Variants in NR5A2 observed in about 807,000 individuals in gnomAD.
NR5A2 encodes nuclear receptor subfamily 5 group A member 2.
Under a neutral mutation model 62.7 loss-of-function variants are expected in NR5A2, and 26 were observed. The ratio of observed to expected loss-of-function variants is 0.41; its 90% CI spans 0.30 to 0.58. The LOEUF (loss-of-function observed/expected upper bound fraction) is 0.58, where lower values mean the gene tolerates loss of function less well. Ranked by LOEUF, NR5A2 falls within the 20% of genes least tolerant of loss-of-function variation. The pLI is 0.22. For synonymous variants in NR5A2, 246 were observed against 241.7 expected, an observed-to-expected ratio of 1.02 and a Z score of -0.16; for missense variants, 541 against 669.1, an observed-to-expected ratio of 0.81 and a Z score of 2.11.
intron 7 of NR5A2, among the ~76,000 whole-genome samples, chr1:200,172,130 A>C (rs1007302403): frequency 2.6e-5 from 4 of 152,134 alleles, no homozygotes; most frequent in Non-Finnish European, 5.9e-5. Context: ...CTGCATTTCA[A>C]ATTTTTAATA....
intron 5 of NR5A2, among the ~76,000 whole-genome samples, chr1:200,100,032 A>T (rs990926728): frequency 6.6e-6 from 1 of 152,224 alleles, no homozygotes; most frequent in Non-Finnish European, 1.5e-5. Flanking sequence ...ATTCCAAGCA[A>T]CCCAGAGGAA....
At chr1:200,046,255 G>A (rs1171561861) in intron 4 of NR5A2, among the ~76,000 whole-genome samples, 1 of 152,166 alleles carries the variant, frequency 6.6e-6, no homozygotes, top group African/African-American at 2.4e-5. Context: ...AGCCACACTT[G>A]AACTTTGTTG....
intron 5 of NR5A2, among the ~76,000 whole-genome samples, chr1:200,081,719 G>A (rs1356412392): frequency 1.3e-5 from 2 of 151,192 alleles, no homozygotes; most frequent in East Asian, 1.9e-4. Context: ...CCAGCATGAA[G>A]CCAACATAAA....
intron 7 of NR5A2, among the ~76,000 whole-genome samples, chr1:200,134,238 G>A (rs1044431508): frequency 1.3e-5 from 2 of 152,124 alleles, no homozygotes; most frequent in Non-Finnish European, 2.9e-5. Flanking sequence ...TGTGTACACT[G>A]TTTATAAAGT....
chr1:200,093,180 A>G (rs1231337746), intron 5 of NR5A2, among the ~76,000 whole-genome samples: 1 of 152,196 alleles, frequency 6.6e-6, no homozygotes, highest in Non-Finnish European at 1.5e-5. Flanking sequence ...CTGGGATTAC[A>G]GGCATGAGCC....
chr1:200,115,904 C>G (rs1666196261), intron 6 of NR5A2, among the ~76,000 whole-genome samples: 1 of 151,726 alleles, frequency 6.6e-6, no homozygotes, highest in Non-Finnish European at 1.5e-5. Flanking sequence ...CCTTCTAGGT[C>G]AGAGGAACAG....
At chr1:200,076,410 T>G (rs1664040248) in intron 5 of NR5A2, among the ~76,000 whole-genome samples, 1 of 152,088 alleles carries the variant, frequency 6.6e-6, no homozygotes, top group South Asian at 2.1e-4. Flanking sequence ...CAAATGAAAT[T>G]GTTTGTGGAT....
At chr1:200,068,949 C>A (rs1174615589) in intron 5 of NR5A2, among the ~76,000 whole-genome samples, 1 of 152,136 alleles carries the variant, frequency 6.6e-6, no homozygotes, top group Non-Finnish European at 1.5e-5. Flanking sequence ...GTGAGTTTTT[C>A]TTTCTAAAAA....
chr1:200,104,438 G>T (rs1003001373), intron 5 of NR5A2, among the ~76,000 whole-genome samples: 8 of 152,136 alleles, frequency 5.3e-5, no homozygotes, highest in Admixed American at 5.2e-4. Context: ...CCCAGAGCAG[G>T]TTCTCATTAA....
In NR5A2 at chr1:200,171,940, C is replaced by CAAA. The variant is rs1654201169; in HGVS notation, c.1379-2018_1379-2016dup. Among the ~76,000 whole-genome samples, 3 of 152,136 alleles carry CAAA rather than the reference C, an allele frequency of 2.0e-5. No individual in the cohort carries two copies. The South Asian group carries it at 6.2e-4, about 32-fold the overall frequency. On this transcript the variant is annotated intron_variant, in intron 7 of 7. Transcript: ENST00000367362. Reference sequence around the variant, plus strand: ...ATCACAGAATGTTAAAACTGGTTCTCAAAAAAATACAATTATCAAAAAAGG... The same window carrying CAAA: ...ATCACAGAATGTTAAAACTGGTTCTCAAAAAAAAAATACAATTATCAAAAAAGG...
chr1:200,097,845 A>G (rs531931660), intron 5 of NR5A2, among the ~76,000 whole-genome samples: 2 of 152,208 alleles, frequency 1.3e-5, no homozygotes, highest in Non-Finnish European at 2.9e-5. Flanking sequence ...TAGAATAGGA[A>G]GAATATGAAA....
chr1:200,083,574 TA>T, intron 5 of NR5A2, among the ~76,000 whole-genome samples: 1 of 152,336 alleles, frequency 6.6e-6, no homozygotes, highest in East Asian at 1.9e-4. Flanking sequence ...CGTAAAGACC[TA>T]CTAAGCAATA....
chr1:200,158,050 A>G (rs937684069), intron 7 of NR5A2, among the ~76,000 whole-genome samples: 12 of 152,230 alleles, frequency 7.9e-5, no homozygotes, highest in African/African-American at 2.9e-4. Flanking sequence ...GTGATGTATT[A>G]CTTTTAGCAC....
chr1:200,110,193 A>T (rs1665876724), intron 5 of NR5A2, among the ~76,000 whole-genome samples: 2 of 152,262 alleles, frequency 1.3e-5, no homozygotes, highest in Non-Finnish European at 2.9e-5. Flanking sequence ...CAAAACTCTT[A>T]AAAATATTAC....
intron 5 of NR5A2, among the ~76,000 whole-genome samples, chr1:200,050,864 C>T (rs1364269725): frequency 6.6e-6 from 1 of 152,106 alleles, no homozygotes; most frequent in Non-Finnish European, 1.5e-5. Context: ...TGCACTCGAG[C>T]CTGGGTGACA....
chr1:200,090,930 G>A (rs1018893433), intron 5 of NR5A2, among the ~76,000 whole-genome samples: 3 of 152,170 alleles, frequency 2.0e-5, no homozygotes, highest in African/African-American at 4.8e-5. Context: ...CTTCAGCATT[G>A]TCTTAACCTG....
rs1187442821 is a variant in NR5A2 at position 200,174,230 on chromosome 1, C to A, written c.*20C>A. 1.3e-6 allele frequency: 2 copies of A among 1,504,152 alleles called. No homozygotes were observed. The highest frequency in any genetic ancestry group is 8.9e-7 in the Non-Finnish European group (1 of 1,123,704). 93.2% of individuals were successfully genotyped at this position (1,504,152 alleles called of 1,614,324 possible). Reference sequence around the variant, plus strand: ...GCATAAGTTACAACCCCTAGGAGCTCTGCTTTCAAAACAAAAAGAGATTGG... The same window carrying A: ...GCATAAGTTACAACCCCTAGGAGCTATGCTTTCAAAACAAAAAGAGATTGG... On this transcript the variant is annotated 3_prime_UTR_variant, in exon 8 of 8. Coordinates refer to ENST00000367362, the MANE Select transcript of NR5A2 (RefSeq NM_205860.3).
intron 5 of NR5A2, among the ~76,000 whole-genome samples, chr1:200,102,155 T>C (rs1249878069): frequency 6.6e-6 from 1 of 152,240 alleles, no homozygotes; most frequent in African/African-American, 2.4e-5. Context: ...GTGTATACCA[T>C]GCGGATGGAT....
At chr1:200,108,049 G>A (rs78924785) in intron 5 of NR5A2, among the ~76,000 whole-genome samples, 3,228 of 151,086 alleles carry the variant, frequency 0.021, 60 homozygotes, top group Non-Finnish European at 0.036. Context: ...TGAAGAGGAA[G>A]ACCCCTTGAT....
Sources: gnomAD v4.1 joint callset for allele counts (sites outside exome capture counted in the v4.1 genomes callset) on GRCh38, gnomAD v4.1.1 for gene constraint, MANE v1.5 for transcripts, NCBI Gene and HGNC (gene_info 2026-07-23, HGNC 2026-07-21) for gene names.